POC1A: variants seen among roughly 807,000 people sequenced by gnomAD.
POC1A encodes POC1 centriolar protein homolog A.
Under a neutral mutation model 47.8 loss-of-function variants are expected in POC1A, and 34 were observed. That is an observed-to-expected ratio of 0.71 (90% CI 0.54 to 0.95). The LOEUF (loss-of-function observed/expected upper bound fraction) is 0.95, where lower values mean the gene tolerates loss of function less well. POC1A is among the 40% of genes least tolerant of loss of function. The pLI, the probability that POC1A is intolerant of heterozygous loss-of-function variation, is 0.00. For missense variants in POC1A, 466 were observed against 528.3 expected (o/e 0.88, Z 1.16); for synonymous variants, 177 against 207.6 (o/e 0.85, Z 1.27).
At position 52,090,966 on chromosome 3, in the gene POC1A, T is replaced by G. The variant is rs939621193; in HGVS notation, c.1125+5603A>C. Among the ~76,000 whole-genome samples the G allele has an allele frequency of 7.9e-5, 12 of 152,120 alleles. No individual in the cohort carries two copies. Among genetic ancestry groups the G allele is most frequent in the Non-Finnish European group, 1.6e-4 (11 of 68,010 alleles). On this transcript the variant is annotated intron_variant, in intron 10 of 10. Coordinates refer to ENST00000296484, the MANE Select transcript of POC1A (RefSeq NM_015426.5). The surrounding 1 kb of genome is among the most constrained non-coding windows in gnomAD (Gnocchi z 4.2). ...GACAGACAGACAGAGGGGCAGCGCT[T>G]AAAATCTCCCCTTGGTGGAAAGCCA... is the stretch of plus-strand genomic sequence containing the variant.
At chr3:52,124,748 G>C (rs538488302) in intron 8 of POC1A, among the ~76,000 whole-genome samples, 6 of 152,278 alleles carry the variant, frequency 3.9e-5, no homozygotes, top group African/African-American at 1.2e-4. Flanking sequence ...CATATTCCCA[G>C]GCCTAAAGTA....
intron 6 of POC1A, among the ~76,000 whole-genome samples, chr3:52,143,228 TC>T (rs1343423311): frequency 1.3e-5 from 2 of 151,908 alleles, no homozygotes; most frequent in Non-Finnish European, 2.9e-5. Flanking sequence ...GCAGGGCCTG[TC>T]AGCCCACACA....
At chr3:52,139,004 G>A (rs1698090389) in intron 6 of POC1A, among the ~76,000 whole-genome samples, 1 of 152,128 alleles carries the variant, frequency 6.6e-6, no homozygotes. Flanking sequence ...GCTGATTTTT[G>A]TATTTTTAGT....
chr3:52,118,360 T>C (rs1279609029), intron 9 of POC1A, among the ~76,000 whole-genome samples: 1 of 152,192 alleles, frequency 6.6e-6, no homozygotes, highest in Admixed American at 6.5e-5. Flanking sequence ...TTATTCTCAT[T>C]CTGAATGGCT....
intron 10 of POC1A, among the ~76,000 whole-genome samples, chr3:52,076,708 C>T (rs1218777224): frequency 1.3e-5 from 2 of 152,286 alleles, no homozygotes; most frequent in East Asian, 3.8e-4. Flanking sequence ...AGCAGCCCAG[C>T]AGTTGCTCAC....
At chr3:52,123,852 T>G (rs1703894166) in intron 8 of POC1A, among the ~76,000 whole-genome samples, 1 of 152,198 alleles carries the variant, frequency 6.6e-6, no homozygotes, top group Admixed American at 6.5e-5. Flanking sequence ...CATGACTCTA[T>G]TTACTGTGTG....
rs1347507607 is a variant in POC1A at position 52,090,323 on chromosome 3, G to A, written c.1125+6246C>T. Among the ~76,000 whole-genome samples the A allele has an allele frequency of 2.0e-5, 3 of 152,348 alleles. No individual in the cohort carries two copies. The highest frequency in any genetic ancestry group is 3.4e-3 in the Middle Eastern group (1 of 294). ...CGGTATTTTTAAAAAGCAGCAAGAC[G>A]TGAAACTGGAGTCAAAAATAACTTT... On this transcript the variant is annotated intron_variant, in intron 10 of 10. Transcript: ENST00000296484. The surrounding 1 kb of genome is among the most constrained non-coding windows in gnomAD (Gnocchi z 4.2).
intron 10 of POC1A, among the ~76,000 whole-genome samples, chr3:52,088,061 A>G (rs890856130): frequency 1.3e-5 from 2 of 152,202 alleles, no homozygotes; most frequent in African/African-American, 4.8e-5. Flanking sequence ...CCAACAATCC[A>G]TATAAAGTAG....
At chr3:52,154,179 C>T (rs974517556) in intron 1 of POC1A, among the ~76,000 whole-genome samples, 176 bp downstream of exon 1, 6 of 152,256 alleles carry the variant, frequency 3.9e-5, no homozygotes, top group African/African-American at 1.2e-4. Flanking sequence ...ACGCAGGAGG[C>T]GCTCAGAAAG....
chr3:52,076,044 A>AC (rs1289809736), intron 10 of POC1A, 59 bp from the exon 11 acceptor site: 1 of 1,374,508 alleles, frequency 7.3e-7, no homozygotes, highest in Non-Finnish European at 1.0e-6. Context: ...TGCTCTAGGG[A>AC]CCCCCTTGGC....
chr3:52,123,054 T>G (rs186151457), intron 8 of POC1A, among the ~76,000 whole-genome samples: 1 of 152,334 alleles, frequency 6.6e-6, no homozygotes, highest in Admixed American at 6.5e-5. Context: ...GACTCAACCT[T>G]GTGCCTCAGT....
Position 52,079,405 on chromosome 3 carries a change from G to A in POC1A, c.1126-3420C>T, listed in dbSNP as rs1442150771. Among the ~76,000 whole-genome samples the A allele has an allele frequency of 1.3e-5, 2 of 152,254 alleles. No homozygotes were observed. Among genetic ancestry groups the A allele is most frequent in the Admixed American group, 1.3e-4 (2 of 15,288 alleles). On this transcript the variant is annotated intron_variant, in intron 10 of 10. Coordinates refer to ENST00000296484, the MANE Select transcript of POC1A (RefSeq NM_015426.5). The surrounding 1 kb of genome is among the most constrained non-coding windows in gnomAD (Gnocchi z 4.6). ...CTGGAGACAAGGCCACACCTGCCCT[G>A]GAGGGTGAGGAGGAGCGCTCTGCAG...
At position 52,084,503 on chromosome 3, in the gene POC1A, C is replaced by T. The variant is rs1446286040; in HGVS notation, c.1126-8518G>A. Among the ~76,000 whole-genome samples, 1 of 152,250 alleles carries T rather than the reference C, an allele frequency of 6.6e-6. No individual in the cohort carries two copies. The highest frequency in any genetic ancestry group is 1.5e-5 in the Non-Finnish European group (1 of 68,044). ...TCTTGGGGGCTTCCGAGCACTGACA[C>T]AGCTGCAGCACCGGTCCTGTCTAGG... is the stretch of plus-strand genomic sequence containing the variant. On this transcript the variant is annotated intron_variant, in intron 10 of 10. Coordinates refer to ENST00000296484, the MANE Select transcript of POC1A (RefSeq NM_015426.5). This position sits in a 1 kb window ranked among gnomAD's most constrained non-coding sequence, Gnocchi z 4.3.
At chr3:52,103,440 C>T (rs146175364) in intron 9 of POC1A, among the ~76,000 whole-genome samples, 150 of 152,270 alleles carry the variant, frequency 9.9e-4, no homozygotes, top group African/African-American at 3.3e-3. Context: ...GCAGAAGAAT[C>T]GCTTGAACGT....
rs771629936 is a variant in POC1A, at chr3:52,124,914, A to C, written c.882+199T>G. Reference sequence around the variant, plus strand: ...ATGCAGCCATGAGGTCGGCACCTGCAGGAGGCCCATTCTGGAGTGGCAAGG... The same window carrying C: ...ATGCAGCCATGAGGTCGGCACCTGCCGGAGGCCCATTCTGGAGTGGCAAGG... On this transcript the variant is annotated intron_variant, in intron 8 of 10. Transcript: ENST00000296484. 1.2e-4 allele frequency among the ~76,000 whole-genome samples: 18 copies of C among 152,192 alleles called. 1 individual carries two copies. The highest frequency in any genetic ancestry group is 1.5e-4 in the Non-Finnish European group (10 of 68,042).
chr3:52,123,305 G>A (rs1303882645), intron 8 of POC1A, among the ~76,000 whole-genome samples: 1 of 152,244 alleles, frequency 6.6e-6, no homozygotes, highest in East Asian at 1.9e-4. Flanking sequence ...GAGCAAGAGC[G>A]CTCCCTGCTG....
chr3:52,097,521 G>A lies in POC1A; in HGVS notation c.982-809C>T, dbSNP rs1222890638. Among the ~76,000 whole-genome samples the A allele has an allele frequency of 3.3e-5, 5 of 152,204 alleles. No individual in the cohort carries two copies. In the East Asian group the frequency reaches 5.8e-4, roughly 18 times the overall value. The stretch of plus-strand genomic sequence containing the variant: ...AGTGCTGTGCACATGTTCAGTGGGC[G>A]GGATGCTGGAGCCAAGGATGTCCAA... On this transcript the variant is annotated intron_variant, in intron 9 of 10. Coordinates refer to ENST00000296484, the MANE Select transcript of POC1A (RefSeq NM_015426.5).
intron 10 of POC1A, among the ~76,000 whole-genome samples, chr3:52,077,655 G>A (rs1435711898): frequency 6.6e-6 from 1 of 152,270 alleles, no homozygotes; most frequent in Non-Finnish European, 1.5e-5. Flanking sequence ...ACAGCCCCTG[G>A]CTGGCCCGGG....
intron 6 of POC1A, among the ~76,000 whole-genome samples, chr3:52,140,930 A>C (rs186748973): frequency 7.0e-4 from 106 of 152,250 alleles, no homozygotes; most frequent in African/African-American, 2.4e-3. Context: ...TGAGCGCCAA[A>C]TGTCTGAGCA....
Sources: allele counts gnomAD v4.1 joint callset (sites outside exome capture counted in the v4.1 genomes callset), GRCh38; gene constraint gnomAD v4.1.1; non-coding constraint Gnocchi (gnomAD v3.1); transcripts MANE v1.5; gene names NCBI Gene and HGNC (gene_info 2026-07-23, HGNC 2026-07-21).